MARCHF3: variants seen among roughly 807,000 people sequenced by gnomAD.
MARCHF3 encodes the protein E3 ubiquitin-protein ligase MARCHF3.
Under a neutral mutation model 24.2 loss-of-function variants are expected in MARCHF3, and 13 were observed. That is an observed-to-expected ratio of 0.54 (90% CI 0.35 to 0.85). The LOEUF is 0.85. MARCHF3 is among the 40% of genes least tolerant of loss of function. The pLI is 0.01. For synonymous variants in MARCHF3, 144 were observed against 137.3 expected, an observed-to-expected ratio of 1.05 and a Z score of -0.34; for missense variants, 276 against 325.0, an observed-to-expected ratio of 0.85 and a Z score of 1.16.
At chr5:126,883,243 C>T (rs753830944) in intron 3 of MARCHF3, among the ~76,000 whole-genome samples, 3 of 152,136 alleles carry the variant, frequency 2.0e-5, no homozygotes, top group Non-Finnish European at 2.9e-5. Context: ...ATGATTGAGA[C>T]TAGTAAATTT....
At chr5:126,922,550 T>TTATTTATTTATC (rs1749148131) in intron 1 of MARCHF3, among the ~76,000 whole-genome samples, 1 of 149,444 alleles carries the variant, frequency 6.7e-6, no homozygotes, top group African/African-American at 2.5e-5. Flanking sequence ...ATTTATTTAT[T>TTATTTATTTATC]TATTATTTAT....
chr5:126,875,423 C>T (rs981824027), intron 4 of MARCHF3, among the ~76,000 whole-genome samples: 8 of 152,226 alleles, frequency 5.3e-5, no homozygotes, highest in African/African-American at 1.9e-4. Flanking sequence ...CTTCCAGGAA[C>T]GGCTCCTCTG....
chr5:126,869,458 A>G lies in MARCHF3; in HGVS notation c.*1175T>C, dbSNP rs1281008179. The G allele has an allele frequency of 2.0e-5, 3 of 152,206 alleles. No individual in the cohort carries two copies. The highest frequency in any genetic ancestry group is 7.2e-5 in the African/African-American group (3 of 41,448). 9.4% of individuals were successfully genotyped at this position (152,206 alleles called of 1,614,324 possible). A position where few individuals can be genotyped will look rare whatever the true frequency, so the allele number is the denominator to read the frequency against. ...GATAAAAGAGGGACACGAAACCCTT[A>G]GAAAAAGTCTATTTCGGACTGTGAC... On this transcript the variant is annotated 3_prime_UTR_variant, in exon 5 of 5. Coordinates refer to ENST00000308660, the MANE Select transcript of MARCHF3 (RefSeq NM_178450.5).
intron 1 of MARCHF3, among the ~76,000 whole-genome samples, chr5:126,960,652 C>T (rs1750610139): frequency 6.6e-6 from 1 of 152,058 alleles, no homozygotes; most frequent in Admixed American, 6.6e-5. Context: ...CAATGACCTC[C>T]TGCTACTGTT....
chr5:126,884,282 CCA>C, intron 3 of MARCHF3, among the ~76,000 whole-genome samples: 1 of 152,216 alleles, frequency 6.6e-6, no homozygotes, highest in East Asian at 1.9e-4. Context: ...TCCCTGAACT[CCA>C]CAGTCTGTCA....
chr5:126,938,389 A>G (rs949976440), intron 1 of MARCHF3, among the ~76,000 whole-genome samples: 31 of 151,864 alleles, frequency 2.0e-4, no homozygotes, highest in African/African-American at 7.5e-4. Context: ...GCTGGTCTCA[A>G]ATTCCTGGCC....
At chr5:127,016,144 T>C (rs954309142) in intron 1 of MARCHF3, among the ~76,000 whole-genome samples, 3 of 152,144 alleles carry the variant, frequency 2.0e-5, no homozygotes, top group Non-Finnish European at 4.4e-5. Flanking sequence ...CATAAGTATA[T>C]ACATGTAGGA....
At chr5:126,897,165 G>A (rs1340980699) in intron 3 of MARCHF3, among the ~76,000 whole-genome samples, 2 of 150,722 alleles carry the variant, frequency 1.3e-5, no homozygotes, top group Non-Finnish European at 2.9e-5. Context: ...TCAGCCTCCC[G>A]AGTAGCTGGG....
intron 4 of MARCHF3, among the ~76,000 whole-genome samples, chr5:126,876,505 C>T (rs116681267): frequency 1.0e-3 from 159 of 152,328 alleles, no homozygotes; most frequent in African/African-American, 3.5e-3. Context: ...AAATGACTTT[C>T]CCAGGGTGGT....
chr5:127,024,260 T>C (rs1328024514), intron 1 of MARCHF3, among the ~76,000 whole-genome samples: 1 of 152,238 alleles, frequency 6.6e-6, no homozygotes, highest in Non-Finnish European at 1.5e-5. Context: ...TAGGATTCAC[T>C]TACTGCTACC....
intron 3 of MARCHF3, among the ~76,000 whole-genome samples, chr5:126,892,620 T>G (rs921805841): frequency 1.3e-5 from 2 of 150,006 alleles, no homozygotes; most frequent in Non-Finnish European, 2.9e-5. Context: ...GAACCAACCT[T>G]GCATCCCAGG....
chr5:127,015,905 A>G (rs1356649908), intron 1 of MARCHF3, among the ~76,000 whole-genome samples: 1 of 152,106 alleles, frequency 6.6e-6, no homozygotes. Context: ...TTGGACATGC[A>G]TCCTCTGCTT....
intron 1 of MARCHF3, among the ~76,000 whole-genome samples, chr5:126,997,245 A>G (rs1190460007): frequency 6.6e-6 from 1 of 152,220 alleles, no homozygotes; most frequent in East Asian, 1.9e-4. Context: ...CTGTCAATAG[A>G]GTACACGGAC....
At chr5:126,898,027 G>C (rs1753983752) in intron 3 of MARCHF3, among the ~76,000 whole-genome samples, 1 of 152,038 alleles carries the variant, frequency 6.6e-6, no homozygotes, top group African/African-American at 2.4e-5. Flanking sequence ...ATTAGTGGCT[G>C]CCTAGGCTGG....
At chr5:126,985,631 G>A (rs549230850) in intron 1 of MARCHF3, among the ~76,000 whole-genome samples, 1 of 150,664 alleles carries the variant, frequency 6.6e-6, no homozygotes, top group African/African-American at 2.5e-5. Context: ...ACCACGCCTG[G>A]CTAATTTTTT....
At position 127,008,880 on chromosome 5, in the gene MARCHF3, A is replaced by AATTTATTTATTT. The variant is rs11270456; in HGVS notation, c.-57+21458_-57+21469dup. Among the ~76,000 whole-genome samples the AATTTATTTATTT allele has an allele frequency of 6.4e-4, 95 of 147,936 alleles. 1 individual carries two copies. Among genetic ancestry groups the AATTTATTTATTT allele is most frequent in the Non-Finnish European group, 9.9e-4 (66 of 66,904 alleles). Reference sequence around the variant, plus strand: ...TTCAGGAGACGTTATCTCTTTAAAAAATTTATTTATTTATTTATTTATTTA... The same window carrying AATTTATTTATTT: ...TTCAGGAGACGTTATCTCTTTAAAAAATTTATTTATTTATTTATTTATTTATTTATTTATTTA... On this transcript the variant is annotated intron_variant, in intron 1 of 4. Transcript: ENST00000308660.
chr5:126,916,085 T>C (rs1754720000), intron 2 of MARCHF3, among the ~76,000 whole-genome samples: 1 of 152,146 alleles, frequency 6.6e-6, no homozygotes, highest in African/African-American at 2.4e-5. Context: ...CTAGCTACTA[T>C]CTCTCAAGGA....
intron 2 of MARCHF3, among the ~76,000 whole-genome samples, chr5:126,916,843 C>T (rs140864303): frequency 3.5e-4 from 54 of 152,270 alleles, no homozygotes; most frequent in Middle Eastern, 3.4e-3. Flanking sequence ...AGTCTCAGTT[C>T]GCAGAGGACC....
intron 3 of MARCHF3, among the ~76,000 whole-genome samples, chr5:126,889,811 G>A (rs1023171450): frequency 1.4e-4 from 22 of 152,166 alleles, no homozygotes; most frequent in South Asian, 2.1e-4. Context: ...CATGCACCAC[G>A]ATGGAGGTGG....
Sources: allele counts gnomAD v4.1 joint callset (sites outside exome capture counted in the v4.1 genomes callset), GRCh38; gene constraint gnomAD v4.1.1; transcripts MANE v1.5; gene names NCBI Gene and HGNC (gene_info 2026-07-23, HGNC 2026-07-21).